The following FRMD4B variants were observed in gnomAD, a reference collection of about 807,000 sequenced individuals.
FRMD4B encodes FERM domain containing 4B, also known as FERM domain-containing protein 4B.
FRMD4B carries 74 observed loss-of-function variants against 141.5 expected under a neutral mutation model. The observed-to-expected ratio is 0.52, with a 90% CI of 0.43 to 0.63. FRMD4B has a LOEUF of 0.63. Ranked by LOEUF, FRMD4B falls within the 30% of genes least tolerant of loss-of-function variation. FRMD4B has a pLI of 0.00. For missense variants in FRMD4B, 1,366 were observed against 1,253.4 expected, an observed-to-expected ratio of 1.09 and a Z score of -1.36; for synonymous variants, 506 against 467.9, an observed-to-expected ratio of 1.08 and a Z score of -1.05.
At chr3:69,225,694 C>CAAAAAAAAAA (rs144489759) in intron 7 of FRMD4B, among the ~76,000 whole-genome samples, 3 of 23,354 alleles carry the variant, frequency 1.3e-4, no homozygotes, top group African/African-American at 5.5e-4. Flanking sequence ...GACTCCGTCT[C>CAAAAAAAAAA]AAAAAAAAAA....
At chr3:69,396,084 C>T (rs1704469086) in intron 2 of FRMD4B, among the ~76,000 whole-genome samples, 1 of 152,126 alleles carries the variant, frequency 6.6e-6, no homozygotes, top group African/African-American at 2.4e-5. Context: ...CACCTATTCC[C>T]CTCTTTTTCA....
chr3:69,345,923 G>T (rs907493553), intron 1 of FRMD4B, among the ~76,000 whole-genome samples: 2 of 152,110 alleles, frequency 1.3e-5, no homozygotes, highest in African/African-American at 4.8e-5. Flanking sequence ...AAAGCAGAGC[G>T]CCTCCCCACC....
At chr3:69,360,112 C>T (rs1976064) in intron 1 of FRMD4B, among the ~76,000 whole-genome samples, 22,032 of 152,168 alleles carry the variant, frequency 0.14, 2,018 homozygotes, top group African/African-American at 0.24. Context: ...TTCTCTCTCC[C>T]TTTGTATTCC....
intron 7 of FRMD4B, among the ~76,000 whole-genome samples, chr3:69,237,892 G>A (rs990385520): frequency 1.3e-5 from 2 of 152,020 alleles, no homozygotes; most frequent in Non-Finnish European, 2.9e-5. Context: ...CACCATGCTC[G>A]GCTCATTTTT....
At chr3:69,499,812 G>C (rs549276003) in intron 1 of FRMD4B, among the ~76,000 whole-genome samples, 1 of 152,334 alleles carries the variant, frequency 6.6e-6, no homozygotes, top group African/African-American at 2.4e-5. Flanking sequence ...CTCAGCCAAT[G>C]ATAGAGTGTG....
intron 1 of FRMD4B, among the ~76,000 whole-genome samples, chr3:69,333,333 G>A (rs1702441794): frequency 6.6e-6 from 1 of 152,214 alleles, no homozygotes; most frequent in Non-Finnish European, 1.5e-5. Context: ...TCATCAAAGA[G>A]AAATGATTTG....
At chr3:69,203,341 A>AAAAAAAG (rs1553700373) in intron 11 of FRMD4B, among the ~76,000 whole-genome samples, 11 of 77,014 alleles carry the variant, frequency 1.4e-4, no homozygotes, top group South Asian at 5.8e-4. Flanking sequence ...AAAAAAAAAA[A>AAAAAAAG]AAAGAAAGAA....
At chr3:69,325,866 T>A (rs1371726358) in intron 1 of FRMD4B, among the ~76,000 whole-genome samples, 2 of 152,328 alleles carry the variant, frequency 1.3e-5, no homozygotes, top group Admixed American at 1.3e-4. Context: ...TTAGTGGAAA[T>A]AATGTCTAAG....
intron 2 of FRMD4B, among the ~76,000 whole-genome samples, chr3:69,422,029 C>T (rs1704990421): frequency 2.6e-5 from 4 of 152,192 alleles, no homozygotes; most frequent in African/African-American, 9.7e-5. Flanking sequence ...TAGAAGCAGC[C>T]TGATACTTTC....
chr3:69,405,100 C>T (rs1240675365), intron 2 of FRMD4B, among the ~76,000 whole-genome samples: 1 of 152,166 alleles, frequency 6.6e-6, no homozygotes, highest in Admixed American at 6.5e-5. Flanking sequence ...GCTCATATGA[C>T]AAACTAGGGA....
At chr3:69,507,474 A>C (rs1182877026) in intron 1 of FRMD4B, among the ~76,000 whole-genome samples, 2 of 152,228 alleles carry the variant, frequency 1.3e-5, no homozygotes, top group African/African-American at 4.8e-5. Flanking sequence ...GTTAGAAATC[A>C]GTCCATATCC....
intron 1 of FRMD4B, among the ~76,000 whole-genome samples, chr3:69,357,170 T>A (rs1298049750): frequency 6.6e-6 from 1 of 152,178 alleles, no homozygotes; most frequent in Non-Finnish European, 1.5e-5. Flanking sequence ...GGATAATTCC[T>A]GCAGTAGTAG....
chr3:69,397,873 G>A (rs1178486455), intron 2 of FRMD4B, among the ~76,000 whole-genome samples: 2 of 152,098 alleles, frequency 1.3e-5, no homozygotes, highest in African/African-American at 4.8e-5. Flanking sequence ...TATGGCATGT[G>A]AATTATATCC....
intron 7 of FRMD4B, among the ~76,000 whole-genome samples, chr3:69,229,501 C>A (rs988896360): frequency 6.6e-6 from 1 of 152,092 alleles, no homozygotes; most frequent in Non-Finnish European, 1.5e-5. Flanking sequence ...CAAGCCATCA[C>A]CGATATTTGA....
intron 4 of FRMD4B, among the ~76,000 whole-genome samples, chr3:69,302,010 G>A (rs879559287): frequency 1.2e-4 from 18 of 152,188 alleles, no homozygotes; most frequent in Non-Finnish European, 2.4e-4. Flanking sequence ...AGAATCTTAA[G>A]AATCTGATGA....
intron 1 of FRMD4B, among the ~76,000 whole-genome samples, chr3:69,441,730 C>A (rs910031367): frequency 2.0e-5 from 3 of 152,150 alleles, no homozygotes; most frequent in Admixed American, 6.5e-5. Context: ...AATGAACTCA[C>A]GTGGATCTCC....
intron 11 of FRMD4B, chr3:69,200,428 C>CA: frequency 1.0e-6 from 1 of 996,618 alleles, no homozygotes; most frequent in Non-Finnish European, 1.2e-6. Context: ...CCAGAGGTTC[C>CA]AAAAATGGGA....
chr3:69,256,780 G>T (rs2106824764), intron 5 of FRMD4B, among the ~76,000 whole-genome samples: 1 of 152,280 alleles, frequency 6.6e-6, no homozygotes, highest in South Asian at 2.1e-4. Flanking sequence ...TAGAAAGCCA[G>T]GCCATAGCTA....
rs979985337 is a variant in FRMD4B at position 69,168,795 on chromosome 3, C to T, written c.*3066G>A. Among the ~76,000 whole-genome samples, 4 of 151,990 alleles carry T rather than the reference C, an allele frequency of 2.6e-5. No individual in the cohort carries two copies. The highest frequency in any genetic ancestry group is 7.3e-5 in the African/African-American group (3 of 41,366). ...CCAAACTAATAGTTTAAAACAATTC[C>T]GGAATCTTTATTTCTTGTAATATTT... is the stretch of plus-strand genomic sequence containing the variant. On this transcript the variant is annotated 3_prime_UTR_variant, in exon 23 of 23. Transcript: ENST00000398540.
Sources: allele counts gnomAD v4.1 joint callset (sites outside exome capture counted in the v4.1 genomes callset), GRCh38; gene constraint gnomAD v4.1.1; transcripts MANE v1.5; gene names NCBI Gene and HGNC (gene_info 2026-07-23, HGNC 2026-07-21).